The following PDE10A variants were observed in gnomAD, a reference collection of about 807,000 sequenced individuals.
PDE10A encodes phosphodiesterase 10A.
PDE10A carries 39 observed loss-of-function variants against 97.7 expected under a neutral mutation model. The observed-to-expected ratio is 0.40, with a 90% CI of 0.31 to 0.52. The LOEUF is 0.52. PDE10A is among the 20% of genes least tolerant of loss of function. The probability of loss-of-function intolerance (pLI) is 0.56; values close to 1 mark genes in which losing one functional copy is unlikely to be tolerated. For missense variants in PDE10A, 731 were observed against 1,047.8 expected, an observed-to-expected ratio of 0.70 and a Z score of 4.17; for synonymous variants, 371 against 376.8, an observed-to-expected ratio of 0.98 and a Z score of 0.18.
intron 1 of PDE10A, among the ~76,000 whole-genome samples, chr6:165,816,170 C>G (rs1172646455): frequency 6.6e-6 from 1 of 152,134 alleles, no homozygotes; most frequent in Admixed American, 6.5e-5. Flanking sequence ...AGGATGCTCT[C>G]AATCTCCTGA....
intron 1 of PDE10A, among the ~76,000 whole-genome samples, chr6:165,716,957 C>G (rs1792040199): frequency 6.6e-6 from 1 of 152,212 alleles, no homozygotes; most frequent in Non-Finnish European, 1.5e-5. Context: ...TTTCGTCTTG[C>G]AAAATGGAAA....
At chr6:165,980,861 G>A (rs1484583104) in intron 1 of PDE10A, among the ~76,000 whole-genome samples, 2 of 152,168 alleles carry the variant, frequency 1.3e-5, no homozygotes, top group Non-Finnish European at 2.9e-5. Flanking sequence ...GAAAGTCAAA[G>A]AGCTCTTAAG....
intron 10 of PDE10A, among the ~76,000 whole-genome samples, chr6:165,423,469 G>T (rs1342470024): frequency 1.3e-5 from 2 of 152,158 alleles, no homozygotes; most frequent in Non-Finnish European, 2.9e-5. Flanking sequence ...GGTCTGCGGT[G>T]CCCAGGATAA....
In PDE10A at chr6:165,739,273, C is replaced by G. The variant is rs879595681; in HGVS notation, c.-614-195705G>C. 2.0e-4 allele frequency among the ~76,000 whole-genome samples: 30 copies of G among 152,254 alleles called. No homozygotes were observed. In the Middle Eastern group the frequency reaches 0.01, roughly 52 times the overall value. ...TATAGTAATCAACAAAAGTATGGTA[C>G]TGGCATAAAAACAGGCATATAAACC... On this transcript the variant is annotated intron_variant, in intron 1 of 19. Transcript: ENST00000366882.
At position 165,662,103 on chromosome 6, in the gene PDE10A, C is replaced by G. The variant is rs536757784; in HGVS notation, c.709G>C (p.Gly237Arg). The G allele has an allele frequency of 3.0e-5, 33 of 1,106,966 alleles. No homozygotes were observed. The highest frequency in any genetic ancestry group is 3.3e-5 in the Non-Finnish European group (30 of 905,716). The allele number at this position is 1,106,966 out of a possible 1,614,324, so 68.6% of individuals were successfully genotyped here. A position where few individuals can be genotyped will look rare whatever the true frequency, so the allele number is the denominator to read the frequency against. Reference sequence around the variant, plus strand: ...GGAGTTTGGCCGCCGCCGCCTGGGCCGGCGCCGGGGAAGCCGGGGGAGCCC... The same window carrying G: ...GGAGTTTGGCCGCCGCCGCCTGGGCGGGCGCCGGGGAAGCCGGGGGAGCCC... ...RAGSPGFPGA[G>R]PGGGGQTPRR... Residue 237 changes from glycine (G) to arginine (R), a missense_variant, in exon 1 of 22, where the codon GGC becomes CGC. Around this residue, in one of 8 missense-constraint regions of PDE10A, gnomAD observed 181 missense variants for 159.1 expected, o/e 1.14. Coordinates refer to ENST00000539869, the MANE Select transcript of PDE10A (RefSeq NM_001385079.1).
chr6:165,686,561 A>G (rs1791126322), intron 1 of PDE10A, among the ~76,000 whole-genome samples: 1 of 152,212 alleles, frequency 6.6e-6, no homozygotes, highest in African/African-American at 2.4e-5. Flanking sequence ...GGCAATGTTT[A>G]AAATCACACA....
chr6:165,771,508 G>A (rs1778008174), intron 1 of PDE10A, among the ~76,000 whole-genome samples: 1 of 151,998 alleles, frequency 6.6e-6, no homozygotes, highest in East Asian at 1.9e-4. Context: ...ACCTGGGAAG[G>A]ACACAGAAAA....
intron 1 of PDE10A, among the ~76,000 whole-genome samples, chr6:165,648,395 G>A (rs540453307): frequency 6.6e-5 from 10 of 151,784 alleles, no homozygotes; most frequent in African/African-American, 1.9e-4. Context: ...ACTGACACAG[G>A]CCAGCAGGAT....
chr6:165,977,207 G>T (rs372820544), intron 1 of PDE10A, among the ~76,000 whole-genome samples: 4 of 152,170 alleles, frequency 2.6e-5, no homozygotes, highest in African/African-American at 7.2e-5. Flanking sequence ...AATAAAGAAG[G>T]TTGGAAATCA....
At chr6:165,986,481 A>C (rs1448708413) in intron 1 of PDE10A, 1 of 151,096 alleles carries the variant, frequency 6.6e-6, no homozygotes, top group Non-Finnish European at 1.5e-5. Flanking sequence ...CGTCTAGGAG[A>C]CTGTTTGCTG....
At chr6:165,549,928 G>A (rs1783932601) in intron 1 of PDE10A, among the ~76,000 whole-genome samples, 1 of 152,128 alleles carries the variant, frequency 6.6e-6, no homozygotes, top group South Asian at 2.1e-4. Context: ...TTAGGAAAAA[G>A]CATTTTTCAG....
chr6:165,866,672 AACAAC>A (rs1324523844), intron 1 of PDE10A, among the ~76,000 whole-genome samples: 1 of 47,936 alleles, frequency 2.1e-5, no homozygotes, highest in Non-Finnish European at 4.1e-5. Context: ...ACAGCAAAAA[AACAAC>A]AAAAAAGAGT....
chr6:165,563,411 C>T (rs1289824260), intron 1 of PDE10A, among the ~76,000 whole-genome samples: 5 of 152,276 alleles, frequency 3.3e-5, no homozygotes, highest in Non-Finnish European at 5.9e-5. Context: ...ATGTTTAGCA[C>T]TGACAAAGAA....
intron 10 of PDE10A, among the ~76,000 whole-genome samples, chr6:165,427,686 T>C (rs775576310): frequency 6.6e-6 from 1 of 152,120 alleles, no homozygotes; most frequent in Non-Finnish European, 1.5e-5. Flanking sequence ...AAGAACATAT[T>C]AATAATACAA....
chr6:165,646,924 A>C (rs2128423089), intron 1 of PDE10A, among the ~76,000 whole-genome samples: 1 of 152,344 alleles, frequency 6.6e-6, no homozygotes, highest in Middle Eastern at 3.4e-3. Context: ...TTATTTGCAG[A>C]ATTTTTAATT....
At chr6:165,527,686 A>G (rs914048271) in intron 2 of PDE10A, among the ~76,000 whole-genome samples, 2 of 152,134 alleles carry the variant, frequency 1.3e-5, no homozygotes, top group South Asian at 2.1e-4. Context: ...GCAGCATTCT[A>G]TCATCAAATG....
Position 165,404,652 on chromosome 6 carries a change from T to C in PDE10A, c.2077-8193A>G, listed in dbSNP as rs556422741. 3.9e-5 allele frequency among the ~76,000 whole-genome samples: 6 copies of C among 151,930 alleles called. No individual in the cohort carries two copies. In the South Asian group the frequency reaches 8.3e-4, roughly 21 times the overall value. ...ATAATTTGAGAGAAATTTGAGTAGG[T>C]AAACAAGTAAACGATGACCTGAAAA... On this transcript the variant is annotated intron_variant, in intron 13 of 21. Transcript: ENST00000539869.
chr6:165,645,424 C>G (rs991782552), intron 1 of PDE10A, among the ~76,000 whole-genome samples: 5 of 152,100 alleles, frequency 3.3e-5, no homozygotes, highest in Admixed American at 2.6e-4. Flanking sequence ...AGTTCACAGA[C>G]GTCTTTCTTC....
chr6:165,373,673 C>T (rs1289645910), intron 18 of PDE10A, among the ~76,000 whole-genome samples: 1 of 152,062 alleles, frequency 6.6e-6, no homozygotes, highest in Admixed American at 6.5e-5. Flanking sequence ...GTCAGTGTGG[C>T]GATTCCTCAG....
Sources: gnomAD v4.1 joint callset for allele counts (sites outside exome capture counted in the v4.1 genomes callset) on GRCh38, gnomAD v4.1.1 for gene constraint, gnomAD v4.1.1 regional missense constraint, MANE v1.5 for transcripts, NCBI Gene and HGNC (gene_info 2026-07-23, HGNC 2026-07-21) for gene names.